Variants in CACNA2D1 observed in about 807,000 individuals in gnomAD.
The protein encoded by CACNA2D1 is voltage-dependent calcium channel subunit alpha-2/delta-1.
A neutral mutation model predicts 171.5 loss-of-function variants in CACNA2D1; 53 were observed. That is an observed-to-expected ratio of 0.31 (90% CI 0.25 to 0.39). The LOEUF is 0.39. Ranked by LOEUF, CACNA2D1 falls within the 10% of genes least tolerant of loss-of-function variation. The pLI is 1.00. For missense variants in CACNA2D1, 903 were observed against 1,299.8 expected (o/e 0.69, Z 4.69); for synonymous variants, 442 against 443.1 (o/e 1.00, Z 0.03).
chr7:82,324,353 C>CA (rs796381675), intron 3 of CACNA2D1, among the ~76,000 whole-genome samples: 934 of 77,280 alleles, frequency 0.012, 11 homozygotes, highest in African/African-American at 0.037. Context: ...AGCCAAACTC[C>CA]AAAAAAAAAA....
intron 1 of CACNA2D1, among the ~76,000 whole-genome samples, chr7:82,400,273 A>C (rs1826227786): frequency 6.6e-6 from 1 of 151,416 alleles, no homozygotes; most frequent in Non-Finnish European, 1.5e-5. Flanking sequence ...ATGGCATTGA[A>C]TCTGTAAATT....
chr7:82,358,690 G>A (rs975269326), intron 1 of CACNA2D1, among the ~76,000 whole-genome samples: 2 of 150,838 alleles, frequency 1.3e-5, no homozygotes, highest in East Asian at 1.9e-4. Flanking sequence ...TTTTCTGCTC[G>A]TGTGTGTGTG....
chr7:82,400,077 C>T (rs1397045440), intron 1 of CACNA2D1, among the ~76,000 whole-genome samples: 1 of 150,860 alleles, frequency 6.6e-6, no homozygotes, highest in Non-Finnish European at 1.5e-5. Context: ...GTTTTGGTAC[C>T]AGTACCATGC....
At chr7:82,439,441 T>C (rs921434616) in intron 1 of CACNA2D1, among the ~76,000 whole-genome samples, 7 of 151,892 alleles carry the variant, frequency 4.6e-5, no homozygotes, top group African/African-American at 1.7e-4. Flanking sequence ...GTAAAGCTCT[T>C]ATCTATTGTC....
chr7:82,191,024 T>C (rs1486606943), intron 3 of CACNA2D1, among the ~76,000 whole-genome samples: 1 of 151,670 alleles, frequency 6.6e-6, no homozygotes. Context: ...AACACTATGC[T>C]GATAAAGAAG....
At chr7:82,197,547 T>C (rs2129198736) in intron 3 of CACNA2D1, among the ~76,000 whole-genome samples, 1 of 152,196 alleles carries the variant, frequency 6.6e-6, no homozygotes, top group South Asian at 2.1e-4. Flanking sequence ...CTTTTTGTTG[T>C]ATGGTAGAAA....
intron 1 of CACNA2D1, among the ~76,000 whole-genome samples, chr7:82,360,003 G>T (rs140678597): frequency 6.6e-6 from 1 of 152,152 alleles, no homozygotes; most frequent in Non-Finnish European, 1.5e-5. Context: ...GGCATAGAGC[G>T]GTTAAGTTAC....
chr7:82,063,557 A>ATT (rs556864762), intron 9 of CACNA2D1, among the ~76,000 whole-genome samples: 3 of 141,622 alleles, frequency 2.1e-5, no homozygotes, highest in Non-Finnish European at 1.5e-5. Context: ...TGAGACAAAG[A>ATT]TTTTTTTTTT....
chr7:82,115,115 T>C (rs1271992712), intron 6 of CACNA2D1, among the ~76,000 whole-genome samples: 2 of 152,196 alleles, frequency 1.3e-5, no homozygotes, highest in East Asian at 3.9e-4. Flanking sequence ...AGCAGTGCCA[T>C]GATGTACAGA....
chr7:82,280,378 G>T (rs752454966), intron 3 of CACNA2D1, among the ~76,000 whole-genome samples: 2 of 152,078 alleles, frequency 1.3e-5, no homozygotes, highest in Non-Finnish European at 2.9e-5. Flanking sequence ...GACAAAACAC[G>T]AGGCTCAAGT....
chr7:82,268,969 T>C (rs1211017521), intron 3 of CACNA2D1, among the ~76,000 whole-genome samples: 1 of 152,070 alleles, frequency 6.6e-6, no homozygotes, highest in African/African-American at 2.4e-5. Flanking sequence ...CATAGAAAAA[T>C]TGATAGGAAA....
At chr7:82,400,933 A>C (rs373302435) in intron 1 of CACNA2D1, among the ~76,000 whole-genome samples, 4 of 152,246 alleles carry the variant, frequency 2.6e-5, no homozygotes, top group Admixed American at 6.5e-5. Flanking sequence ...GACATTTATG[A>C]AGCCAAAAAA....
chr7:82,430,203 G>A (rs1029079404), intron 1 of CACNA2D1, among the ~76,000 whole-genome samples: 3 of 152,024 alleles, frequency 2.0e-5, no homozygotes, highest in Non-Finnish European at 4.4e-5. Context: ...GATCACCTGA[G>A]GTCAGGAGCC....
chr7:82,065,033 C>A (rs1242884586), intron 8 of CACNA2D1, among the ~76,000 whole-genome samples: 1 of 152,062 alleles, frequency 6.6e-6, no homozygotes, highest in Non-Finnish European at 1.5e-5. Flanking sequence ...GTATGACTGA[C>A]CCAAAAGCTC....
chr7:82,077,617 T>C (rs549929195), intron 7 of CACNA2D1, among the ~76,000 whole-genome samples: 2 of 152,330 alleles, frequency 1.3e-5, no homozygotes, highest in African/African-American at 4.8e-5. Context: ...AACTGGTAGC[T>C]AGTAAGAGTC....
Position 82,163,401 on chromosome 7 carries a change from G to T in CACNA2D1, c.354+7149C>A, listed in dbSNP as rs574174112. Among the ~76,000 whole-genome samples, 11 of 152,136 alleles carry T rather than the reference G, an allele frequency of 7.2e-5. No individual in the cohort carries two copies. In the East Asian group the frequency reaches 1.9e-3, roughly 27 times the overall value. ...ATGTTTGGAGATGGCAAGTTATCAG[G>T]AATGTCTTTTCATGCATTCAGTTCC... is the stretch of plus-strand genomic sequence containing the variant. On this transcript the variant is annotated intron_variant, in intron 4 of 38. Transcript: ENST00000356860.
intron 18 of CACNA2D1, 29 bp from the exon 19 acceptor site, chr7:81,997,279 C>T (rs750987840): frequency 3.6e-6 from 5 of 1,375,540 alleles, no homozygotes; most frequent in Non-Finnish European, 5.2e-6. Flanking sequence ...TAATTAGGTA[C>T]ATGTAACATT....
At chr7:82,127,740 G>C (rs1056072815) in intron 5 of CACNA2D1, among the ~76,000 whole-genome samples, 1 of 152,082 alleles carries the variant, frequency 6.6e-6, no homozygotes, top group African/African-American at 2.4e-5. Context: ...GAATTGTATG[G>C]TATCATGATC....
At chr7:82,119,114 C>G (rs1188675282) in intron 5 of CACNA2D1, among the ~76,000 whole-genome samples, 1 of 152,082 alleles carries the variant, frequency 6.6e-6, no homozygotes, top group Admixed American at 6.6e-5. Flanking sequence ...TAGTAATTAA[C>G]TATTTCAAAT....
Sources: gnomAD v4.1 joint callset for allele counts (sites outside exome capture counted in the v4.1 genomes callset) on GRCh38, gnomAD v4.1.1 for gene constraint, MANE v1.5 for transcripts, NCBI Gene and HGNC (gene_info 2026-07-23, HGNC 2026-07-21) for gene names.